The following PTPN3 variants were observed in gnomAD, a reference collection of about 807,000 sequenced individuals.
PTPN3 encodes the protein protein tyrosine phosphatase non-receptor type 3, also known as tyrosine-protein phosphatase non-receptor type 3.
A neutral mutation model predicts 132.7 loss-of-function variants in PTPN3; 96 were observed. The ratio of observed to expected loss-of-function variants is 0.72; its 90% CI spans 0.61 to 0.86. The LOEUF is 0.86. Among genes scored for constraint, PTPN3 ranks in the 40% least tolerant of loss-of-function variants. The pLI is 0.00. For missense variants in PTPN3, 1,125 were observed against 1,159.6 expected (o/e 0.97, Z 0.43); for synonymous variants, 398 against 429.0 (o/e 0.93, Z 0.89).
At chr9:109,497,227 T>G (rs1009335566) in intron 1 of PTPN3, among the ~76,000 whole-genome samples, 2 of 152,152 alleles carry the variant, frequency 1.3e-5, no homozygotes, top group Non-Finnish European at 2.9e-5. Flanking sequence ...AATTTCCTCC[T>G]GAAATGAGAG....
At chr9:109,396,424 T>C (rs1840607367) in intron 19 of PTPN3, among the ~76,000 whole-genome samples, 2 of 152,158 alleles carry the variant, frequency 1.3e-5, no homozygotes, top group Non-Finnish European at 2.9e-5. Context: ...CAATTTGCTT[T>C]GGTTATTCCT....
chr9:109,387,647 C>T (rs1839704963), intron 22 of PTPN3, among the ~76,000 whole-genome samples: 1 of 152,286 alleles, frequency 6.6e-6, no homozygotes, highest in South Asian at 2.1e-4. Flanking sequence ...GCAACTGAGG[C>T]TTAGAGCCCT....
rs750704291 is a variant in PTPN3, at chr9:109,381,740, A to G, written c.2576T>C (p.Met859Thr). The G allele has an allele frequency of 3.1e-6, 5 of 1,614,234 alleles. No individual in the cohort carries two copies. Among genetic ancestry groups the G allele is most frequent in the South Asian group, 1.1e-5 (1 of 91,090 alleles). Reference sequence around the variant, plus strand: ...GGGCAGGTTCCTCTCAGTTAGGCACATGGCTGTTTCCATAGTGACCAACAC... The same window carrying G: ...GGGCAGGTTCCTCTCAGTTAGGCACGTGGCTGTTTCCATAGTGACCAACAC... ...TGVLVTMETA[M>T]CLTERNLPIY... The change falls in exon 25 of 26, where the codon ATG (methionine) becomes ACG (threonine). Residue 859 changes from methionine (M) to threonine (T), a missense_variant. Physicochemically the swap from Met to Thr is moderately conservative, Grantham distance 81 (BLOSUM62 -1). Transcript: ENST00000374541.
intron 1 of PTPN3, among the ~76,000 whole-genome samples, chr9:109,491,232 G>A (rs1196506342): frequency 6.6e-6 from 1 of 151,862 alleles, no homozygotes; most frequent in South Asian, 2.1e-4. Context: ...AAAACTTGAG[G>A]TTTATAGATT....
At chr9:109,406,640 G>A in intron 17 of PTPN3, 22 bp from the exon 18 acceptor site, 1 of 1,613,010 alleles carries the variant, frequency 6.2e-7, no homozygotes, top group Non-Finnish European at 8.5e-7. Context: ...GGAAAAGCGA[G>A]TTTCTCCTGT....
intron 7 of PTPN3, among the ~76,000 whole-genome samples, chr9:109,440,127 T>C (rs1389967971): frequency 6.6e-6 from 1 of 152,022 alleles, no homozygotes; most frequent in Non-Finnish European, 1.5e-5. Flanking sequence ...GCTCAGAAAT[T>C]TGGGTGCTCA....
chr9:109,379,985 C>T (rs1269187138), intron 25 of PTPN3, among the ~76,000 whole-genome samples: 1 of 152,174 alleles, frequency 6.6e-6, no homozygotes, highest in East Asian at 1.9e-4. Context: ...TGCTCCTGGA[C>T]TCAACACCTA....
chr9:109,469,527 G>GA (rs1846262805), intron 1 of PTPN3, among the ~76,000 whole-genome samples: 1 of 152,144 alleles, frequency 6.6e-6, no homozygotes, highest in Non-Finnish European at 1.5e-5. Context: ...GCTGAGTCAG[G>GA]AAAATCGCTC....
chr9:109,404,868 C>T (rs1841431879), intron 18 of PTPN3, among the ~76,000 whole-genome samples: 1 of 152,152 alleles, frequency 6.6e-6, no homozygotes, highest in Non-Finnish European at 1.5e-5. Flanking sequence ...AGGCTTTTGT[C>T]AAAGGTAAAG....
At chr9:109,386,528 C>T (rs566385810) in intron 22 of PTPN3, among the ~76,000 whole-genome samples, 5 of 152,188 alleles carry the variant, frequency 3.3e-5, no homozygotes, top group East Asian at 3.9e-4. Context: ...GAGACACAGG[C>T]GGCTCACACA....
chr9:109,499,959 C>G (rs549721121), upstream of PTPN3, among the ~76,000 whole-genome samples: 1 of 152,320 alleles, frequency 6.6e-6, no homozygotes, highest in African/African-American at 2.4e-5. Flanking sequence ...CGGAGCCGGG[C>G]GGGGCCGGAG....
At chr9:109,462,195 C>G (rs572305593) in intron 2 of PTPN3, among the ~76,000 whole-genome samples, 1 of 152,322 alleles carries the variant, frequency 6.6e-6, no homozygotes, top group South Asian at 2.1e-4. Context: ...TTTGGTTGTC[C>G]ACCTGAGTCT....
chr9:109,516,846 G>T, the PTPN3 span, among the ~76,000 whole-genome samples: 1 of 152,204 alleles, frequency 6.6e-6, no homozygotes, highest in Admixed American at 6.5e-5. Context: ...GGTTACTGAA[G>T]AATGGGAGAG....
chr9:109,422,932 A>C (rs1054158403), intron 12 of PTPN3, 80 bp from the exon 13 acceptor site: 29 of 1,516,256 alleles, frequency 1.9e-5, no homozygotes, highest in Non-Finnish European at 2.1e-5. Context: ...AACAGTCTAC[A>C]CATGCTTCTT....
At chr9:109,522,347 C>T in the PTPN3 span, among the ~76,000 whole-genome samples, 7 of 152,274 alleles carry the variant, frequency 4.6e-5, no homozygotes, top group African/African-American at 9.6e-5. Context: ...CAGACAGTTT[C>T]GAAGTCCAGG....
intron 1 of PTPN3, among the ~76,000 whole-genome samples, chr9:109,492,564 T>C (rs888883627): frequency 2.0e-5 from 3 of 152,196 alleles, no homozygotes; most frequent in African/African-American, 4.8e-5. Context: ...CATTAGCTCA[T>C]TGACAACAGT....
intron 14 of PTPN3, among the ~76,000 whole-genome samples, chr9:109,418,361 T>C (rs1842670490): frequency 6.6e-6 from 1 of 152,180 alleles, no homozygotes; most frequent in Non-Finnish European, 1.5e-5. Flanking sequence ...AATGCATCCC[T>C]CCCCACCTGG....
intron 10 of PTPN3, chr9:109,429,036 T>G: frequency 1.0e-6 from 1 of 985,450 alleles, no homozygotes; most frequent in Non-Finnish European, 1.2e-6. Flanking sequence ...ATGGAGCAGC[T>G]GAAAGAGGAC....
intron 22 of PTPN3, among the ~76,000 whole-genome samples, chr9:109,385,011 T>G (rs537993083): frequency 6.6e-6 from 1 of 152,310 alleles, no homozygotes; most frequent in Admixed American, 6.5e-5. Flanking sequence ...ATAGGAAGGA[T>G]AAATCCCTGT....
Sources: allele counts gnomAD v4.1 joint callset (sites outside exome capture counted in the v4.1 genomes callset), GRCh38; gene constraint gnomAD v4.1.1; transcripts MANE v1.5; gene names NCBI Gene and HGNC (gene_info 2026-07-23, HGNC 2026-07-21).